EIF3L: variants seen among roughly 807,000 people sequenced by gnomAD.
EIF3L encodes eIEF associated protein HSPC021.
EIF3L carries 32 observed loss-of-function variants against 74.6 expected under a neutral mutation model. That is an observed-to-expected ratio of 0.43 (90% CI 0.32 to 0.58). The LOEUF is 0.58. Ranked by LOEUF, EIF3L falls within the 20% of genes least tolerant of loss-of-function variation. The probability of loss-of-function intolerance (pLI) is 0.06; values close to 1 mark genes in which losing one functional copy is unlikely to be tolerated. For synonymous variants in EIF3L, 256 were observed against 254.4 expected (o/e 1.01, Z -0.06); for missense variants, 474 against 707.8 (o/e 0.67, Z 3.75).
intron 9 of EIF3L, among the ~76,000 whole-genome samples, chr22:37,874,986 G>A (rs1000998920): frequency 1.7e-4 from 24 of 145,386 alleles, no homozygotes; most frequent in African/African-American, 4.8e-4. Context: ...CTCGTGATCC[G>A]CCTACCTCGG....
chr22:37,876,118 G>C (rs1926735389), intron 10 of EIF3L, 107 bp downstream of exon 10: 2 of 1,259,312 alleles, frequency 1.6e-6, no homozygotes, highest in Non-Finnish European at 2.2e-6. Context: ...GCACTTTTAA[G>C]CCAGGAGTTC....
chr22:37,849,955 G>A, intron 1 of EIF3L, 60 bp from the exon 2 acceptor site: 1 of 1,591,364 alleles, frequency 6.3e-7, no homozygotes, highest in Non-Finnish European at 8.6e-7. Context: ...TAGACTCTAG[G>A]ATGAGCGTTT....
Position 37,877,998 on chromosome 22 carries a change from A to AC in EIF3L, c.1404dup (p.Thr469HisfsTer44), listed in dbSNP as rs770674035. On this transcript the variant is annotated frameshift_variant, in exon 11 of 13. Transcript: ENST00000652021. LOFTEE classifies it high-confidence loss of function. ...CATCCGCAGCTTCCTGAAGCTCTAC[A>AC]CCACCATGCCTGTGGCCAAGCTGGC... 1 of 1,613,490 alleles carries AC rather than the reference A, an allele frequency of 6.2e-7. No homozygotes were observed. The highest frequency in any genetic ancestry group is 1.7e-5 in the Admixed American group (1 of 59,980).
chr22:37,864,865 T>C (rs1214699667), intron 7 of EIF3L, among the ~76,000 whole-genome samples: 2 of 152,108 alleles, frequency 1.3e-5, no homozygotes, highest in Non-Finnish European at 2.9e-5. Context: ...AATGGTAACA[T>C]GTTCTGTTGT....
At chr22:37,862,474 G>A (rs567218090) in intron 5 of EIF3L, among the ~76,000 whole-genome samples, 1 of 152,286 alleles carries the variant, frequency 6.6e-6, no homozygotes, top group South Asian at 2.1e-4. Context: ...TAATGAGTGG[G>A]CATGGCTGTG....
At chr22:37,885,407 C>G (rs1386344153) in intron 11 of EIF3L, 1 of 151,936 alleles carries the variant, frequency 6.6e-6, no homozygotes, top group Non-Finnish European at 1.5e-5. Flanking sequence ...TACTGTTATT[C>G]CTCTGTTGCT....
chr22:37,861,871 C>G (rs993864419), intron 5 of EIF3L, among the ~76,000 whole-genome samples: 6 of 152,180 alleles, frequency 3.9e-5, no homozygotes, highest in South Asian at 4.1e-4. Flanking sequence ...GAAGATTCAG[C>G]AGAAGCTTAT....
intron 4 of EIF3L, among the ~76,000 whole-genome samples, chr22:37,858,149 C>G (rs1049617557): frequency 2.6e-5 from 4 of 151,274 alleles, no homozygotes; most frequent in African/African-American, 9.7e-5. Flanking sequence ...GCACTCCAAC[C>G]TTGGCAACAG....
intron 10 of EIF3L, chr22:37,876,794 T>G (rs1050945320): frequency 6.6e-6 from 1 of 152,266 alleles, no homozygotes; most frequent in African/African-American, 2.4e-5. Context: ...TGTTTTGATA[T>G]AAGGTGTGGA....
intron 5 of EIF3L, among the ~76,000 whole-genome samples, chr22:37,860,221 CAATA>C (rs1263246599): frequency 6.6e-6 from 1 of 152,190 alleles, no homozygotes; most frequent in Non-Finnish European, 1.5e-5. Flanking sequence ...GTAATCATCT[CAATA>C]AATGCTACCG....
At chr22:37,874,220 C>T in intron 8 of EIF3L, 150 bp from the exon 9 acceptor site, 1 of 736,960 alleles carries the variant, frequency 1.4e-6, no homozygotes, top group South Asian at 2.3e-5. Context: ...TTTGCTGTTT[C>T]TTGGTATTCC....
In EIF3L at chr22:37,870,184, A is replaced by G. The variant is rs1287064292; in HGVS notation, c.588A>G (p.Ser196=). ...CTTTTCTTCCTCAACAGTTTCAGTCATTCAGTCAGTACCGCTGTAAGACTG... is the reference window on the plus strand; with the variant it reads ...CTTTTCTTCCTCAACAGTTTCAGTCGTTCAGTCAGTACCGCTGTAAGACTG... The part of the protein sequence containing the change: ...IIDEFIYQFQ[S]FSQYRCKTAK... Residue 196 remains serine (S), a synonymous_variant, in exon 8 of 13, where the codon TCA becomes TCG. Transcript: ENST00000652021. The G allele has an allele frequency of 6.2e-6, 10 of 1,601,592 alleles. No homozygotes were observed. The highest frequency in any genetic ancestry group is 1.1e-5 in the South Asian group (1 of 89,314).
At position 37,878,000 on chromosome 22, in the gene EIF3L, C is replaced by T; in HGVS notation, c.1404C>T (p.Thr468=). 2 of 1,613,524 alleles carry T rather than the reference C, an allele frequency of 1.2e-6. No homozygotes were observed. The highest frequency in any genetic ancestry group is 2.2e-5 in the East Asian group (1 of 44,880). The change falls in exon 11 of 13, where the codon ACC becomes ACT. Residue 468 remains threonine (T), a synonymous_variant. Coordinates refer to ENST00000652021, the MANE Select transcript of EIF3L (RefSeq NM_016091.4). ...TCCGCAGCTTCCTGAAGCTCTACAC[C>T]ACCATGCCTGTGGCCAAGCTGGCTG... is the stretch of plus-strand genomic sequence containing the variant. ...STIRSFLKLY[T]TMPVAKLAGF...
Position 37,877,640 on chromosome 22 carries a change from T to C in EIF3L, c.1078-34T>C, listed in dbSNP as rs747953932. Reference sequence around the variant, plus strand: ...TGGGGACCTCAGGAAGTCCGTCTCATTTGACCCAGTACCACTCTCCACCCC... The same window carrying C: ...TGGGGACCTCAGGAAGTCCGTCTCACTTGACCCAGTACCACTCTCCACCCC... On this transcript the variant is annotated intron_variant, in intron 10 of 12. Transcript: ENST00000652021. The C allele has an allele frequency of 1.9e-6, 3 of 1,554,416 alleles. No homozygotes were observed. In the East Asian group the frequency reaches 6.8e-5, roughly 35 times the overall value.
rs1432384069 is a variant in EIF3L, at chr22:37,874,454, G to A, written c.836G>A (p.Arg279His). ...TACTTCAGCCTGGTCGGGCTTCTCC[G>A]CCTGCACTCCCTGTTAGGAGATTAC... is the stretch of plus-strand genomic sequence containing the variant. ...LGYFSLVGLL[R>H]LHSLLGDYYQ... Residue 279 changes from arginine to histidine, a missense_variant, in exon 9 of 13, where the codon CGC becomes CAC. Physicochemically the swap from Arg to His is conservative, Grantham distance 29. Transcript: ENST00000652021. 2.5e-6 allele frequency: 4 copies of A among 1,614,128 alleles called. No individual in the cohort carries two copies. The highest frequency in any genetic ancestry group is 1.7e-5 in the Admixed American group (1 of 60,012).
chr22:37,870,985 A>G (rs1252775594), intron 8 of EIF3L, among the ~76,000 whole-genome samples: 1 of 152,034 alleles, frequency 6.6e-6, no homozygotes, highest in Non-Finnish European at 1.5e-5. Context: ...TTGACTGAGC[A>G]TGGTGGGTGG....
intron 5 of EIF3L, among the ~76,000 whole-genome samples, chr22:37,861,102 G>A (rs1369174893): frequency 6.6e-6 from 1 of 152,160 alleles, no homozygotes; most frequent in Non-Finnish European, 1.5e-5. Flanking sequence ...ATATAATCCA[G>A]TGCCTAGAAT....
intron 11 of EIF3L, chr22:37,878,999 A>C (rs1350584295): frequency 7.3e-6 from 1 of 137,618 alleles, no homozygotes; most frequent in Non-Finnish European, 1.6e-5. Context: ...GCTAGAGTGC[A>C]GTGGTGCAAT....
chr22:37,863,230 G>A, intron 6 of EIF3L, 42 bp from the exon 7 acceptor site: 1 of 1,540,682 alleles, frequency 6.5e-7, no homozygotes, highest in Non-Finnish European at 8.9e-7. Flanking sequence ...AATGGGCAGA[G>A]TCATTGCTTT....
Sources: gnomAD v4.1 joint callset for allele counts (sites outside exome capture counted in the v4.1 genomes callset) on GRCh38, gnomAD v4.1.1 for gene constraint, MANE v1.5 for transcripts, NCBI Gene and HGNC (gene_info 2026-07-23, HGNC 2026-07-21) for gene names.